EPS8L3: variants seen among roughly 807,000 people sequenced by gnomAD.
EPS8L3 encodes the protein epidermal growth factor receptor kinase substrate 8-like protein 3.
In EPS8L3, 80 loss-of-function variants were observed where a neutral mutation model predicts 88.5. The ratio of observed to expected loss-of-function variants is 0.90; its 90% CI spans 0.75 to 1.09. The LOEUF is 1.09. Ranked by LOEUF, EPS8L3 falls within the 50% of genes least tolerant of loss-of-function variation. The probability of loss-of-function intolerance (pLI) is 0.00; values close to 1 mark genes in which losing one functional copy is unlikely to be tolerated. For missense variants in EPS8L3, 721 were observed against 735.2 expected, an observed-to-expected ratio of 0.98 and a Z score of 0.22; for synonymous variants, 286 against 291.0, an observed-to-expected ratio of 0.98 and a Z score of 0.18.
In EPS8L3 at chr1:109,751,720, A is replaced by G; in HGVS notation, c.1497T>C (p.Ile499=). The change falls in exon 16 of 19, where the codon ATT becomes ATC. Residue 499 remains isoleucine (I), a synonymous_variant. Transcript: ENST00000361965. The part of the protein sequence containing the change: ...VKNEAGRSGY[I]PSNILEPLQP... ...GTAGGGGCTCCAGGATGTTGCTTGG[A>G]ATGTAGCCGCTCCGTCCCGCCTCAT... is the stretch of plus-strand genomic sequence containing the variant. The G allele has an allele frequency of 6.2e-7, 1 of 1,613,460 alleles. No homozygotes were observed. Among genetic ancestry groups the G allele is most frequent in the Non-Finnish European group, 8.5e-7 (1 of 1,179,882 alleles).
chr1:109,750,609 C>G, intron 18 of EPS8L3, 51 bp downstream of exon 18: 1 of 1,611,792 alleles, frequency 6.2e-7, no homozygotes, highest in Non-Finnish European at 8.5e-7. Context: ...CTCTCTCACC[C>G]AGGAGCACCA....
Position 109,757,167 on chromosome 1 carries a change from T to G in EPS8L3, c.970-2A>C. On this transcript the variant is annotated splice_acceptor_variant, in intron 11 of 18. Transcript: ENST00000361965. LOFTEE classifies it high-confidence loss of function. ...AGCCTCAGGGCACCTGGCCAGGATC[T>G]AGGGGAGAGATGGAAGGTGTCAGGA... 6.2e-7 allele frequency: 1 copy of G among 1,605,458 alleles called. No individual in the cohort carries two copies. The highest frequency in any genetic ancestry group is 8.5e-7 in the Non-Finnish European group (1 of 1,174,978).
At chr1:109,754,105 C>T (rs1003300070) in intron 12 of EPS8L3, among the ~76,000 whole-genome samples, 15 of 151,684 alleles carry the variant, frequency 9.9e-5, no homozygotes, top group African/African-American at 3.4e-4. Flanking sequence ...TGGGTCTTGA[C>T]CCTAATACTA....
chr1:109,761,773 C>T lies in EPS8L3; in HGVS notation c.-24G>A. 6.2e-7 allele frequency: 1 copy of T among 1,613,940 alleles called. No homozygotes were observed. Among genetic ancestry groups the T allele is most frequent in the Non-Finnish European group, 8.5e-7 (1 of 1,179,980 alleles). On this transcript the variant is annotated splice_region_variant and 5_prime_UTR_variant, in exon 2 of 19. Transcript: ENST00000361965. Reference sequence around the variant, plus strand: ...ATGTTGACGCTGCTGAGGACGGCTCCCTAGAACCCAAAGTGAACCAGAGGC... The same window carrying T: ...ATGTTGACGCTGCTGAGGACGGCTCTCTAGAACCCAAAGTGAACCAGAGGC...
At chr1:109,762,641 C>A (rs114047998) in intron 1 of EPS8L3, among the ~76,000 whole-genome samples, 2,430 of 152,298 alleles carry the variant, frequency 0.016, 64 homozygotes, top group African/African-American at 0.056. Flanking sequence ...CTTGGCGCCA[C>A]GTGCCTAGCA....
Position 109,757,568 on chromosome 1 carries a change from AG to A in EPS8L3, c.895-14del, listed in dbSNP as rs752795350. 2.5e-6 allele frequency: 4 copies of A among 1,610,630 alleles called. No individual in the cohort carries two copies. The South Asian group carries it at 4.4e-5, about 18-fold the overall frequency. Reference sequence around the variant, plus strand: ...TGGCCAGCCTTCCCTGGGGACACAGAGCAATGCCTGTCACCACCCTTCACCC... The same window carrying A: ...TGGCCAGCCTTCCCTGGGGACACAGACAATGCCTGTCACCACCCTTCACCC... On this transcript the variant is annotated splice_polypyrimidine_tract_variant and intron_variant, in intron 10 of 18. Coordinates refer to ENST00000361965, the MANE Select transcript of EPS8L3 (RefSeq NM_133181.4).
chr1:109,758,102 C>T, intron 8 of EPS8L3, 44 bp from the exon 9 acceptor site: 1 of 1,544,162 alleles, frequency 6.5e-7, no homozygotes, highest in South Asian at 1.1e-5. Flanking sequence ...CAGTTGGGCC[C>T]ACCCTGGAAC....
rs943941084 is a variant in EPS8L3, at chr1:109,759,622, T to C, written c.255+56A>G. On this transcript the variant is annotated intron_variant, in intron 4 of 18. Coordinates refer to ENST00000361965, the MANE Select transcript of EPS8L3 (RefSeq NM_133181.4). The surrounding 1 kb of genome is among the most constrained non-coding windows in gnomAD (Gnocchi z 4.2). ...ATGGAGGGTGGAGTTCAAGAGCTAG[T>C]GCTTGCTTCCCCACAGCCCAGGCTG... 2.0e-5 allele frequency: 32 copies of C among 1,587,904 alleles called. No individual in the cohort carries two copies. The highest frequency in any genetic ancestry group is 2.7e-5 in the Non-Finnish European group (32 of 1,168,750).
chr1:109,757,401 T>A, intron 11 of EPS8L3, 80 bp downstream of exon 11: 2 of 1,372,508 alleles, frequency 1.5e-6, no homozygotes, highest in Non-Finnish European at 2.1e-6. Flanking sequence ...CCCATCCCCC[T>A]CCACCAGCTC....
chr1:109,763,638 C>T (rs1284431903), intron 1 of EPS8L3, among the ~76,000 whole-genome samples, 184 bp downstream of exon 1: 1 of 152,200 alleles, frequency 6.6e-6, no homozygotes, highest in Non-Finnish European at 1.5e-5. Context: ...CTGGACCTCG[C>T]TCTGCTTTCC....
At chr1:109,752,931 C>CATCCT (rs1649945882) in intron 13 of EPS8L3, among the ~76,000 whole-genome samples, 186 bp downstream of exon 13, 1 of 152,158 alleles carries the variant, frequency 6.6e-6, no homozygotes, top group Admixed American at 6.5e-5. Context: ...GCCTATGTCC[C>CATCCT]AGCCCTGAGA....
chr1:109,761,581 G>A (rs201998301), intron 2 of EPS8L3, 22 bp from the exon 3 acceptor site: 1 of 1,613,278 alleles, frequency 6.2e-7, no homozygotes, highest in Admixed American at 1.7e-5. Flanking sequence ...CAGAGCAAGG[G>A]GCGGGAGGTG....
Position 109,752,853 on chromosome 1 carries a change from G to A in EPS8L3, c.1201-133C>T, listed in dbSNP as rs558270537. ...CCTATCCCCTTTCCTGCCTCCCCCA[G>A]TTTACAGATACAGGTACCCACATGC... On this transcript the variant is annotated intron_variant, in intron 13 of 18. Transcript: ENST00000361965. The A allele has an allele frequency of 3.5e-6, 3 of 852,646 alleles. No individual in the cohort carries two copies. The African/African-American group carries it at 5.0e-5, about 14-fold the overall frequency. 52.8% of individuals were successfully genotyped at this position (852,646 alleles called of 1,614,324 possible). A position where few individuals can be genotyped will look rare whatever the true frequency, so the allele number is the denominator to read the frequency against.
At chr1:109,756,679 C>G (rs1384774461) in intron 12 of EPS8L3, among the ~76,000 whole-genome samples, 1 of 152,214 alleles carries the variant, frequency 6.6e-6, no homozygotes, top group Admixed American at 6.5e-5. Context: ...ATTCTTAAAT[C>G]TGGGGCTGGA....
intron 1 of EPS8L3, among the ~76,000 whole-genome samples, chr1:109,762,953 G>T (rs1391604248): frequency 6.6e-6 from 1 of 152,238 alleles, no homozygotes; most frequent in Non-Finnish European, 1.5e-5. Flanking sequence ...CCGGGTGGGG[G>T]TGGTGTTAGT....
intron 1 of EPS8L3, among the ~76,000 whole-genome samples, chr1:109,763,094 G>T (rs970155343): frequency 6.6e-6 from 1 of 152,226 alleles, no homozygotes; most frequent in African/African-American, 2.4e-5. Context: ...CCATACCCTT[G>T]TTTATTAGGA....
intron 1 of EPS8L3, 117 bp from the exon 2 acceptor site, chr1:109,761,890 G>A (rs1156268857): frequency 1.6e-5 from 14 of 857,256 alleles, no homozygotes; most frequent in Non-Finnish European, 2.4e-5. Flanking sequence ...CAGACCCAAA[G>A]CCCCTGGCTC....
intron 17 of EPS8L3, among the ~76,000 whole-genome samples, 194 bp from the exon 18 acceptor site, chr1:109,750,986 A>C (rs1419238858): frequency 2.0e-5 from 3 of 152,216 alleles, no homozygotes; most frequent in Admixed American, 1.3e-4. Flanking sequence ...ATTTGAAAGA[A>C]GTGCTCTGGG....
In EPS8L3 at chr1:109,758,627, T is replaced by C. The variant is rs890631054; in HGVS notation, c.498A>G (p.Arg166=). ...RLGGLQPGQD[R]WRGPAMERPL... is the part of the protein sequence containing the mutation. ...GCCTTTCCATAGCAGGCCCCCTCCA[T>C]CTGTCCTGGCCTGGCTGAAGGCCTC... The change falls in exon 7 of 19, where the codon AGA becomes AGG. Residue 166 remains arginine (R), a synonymous_variant. Transcript: ENST00000361965. 6.2e-7 allele frequency: 1 copy of C among 1,610,592 alleles called. No homozygotes were observed. Among genetic ancestry groups the C allele is most frequent in the Non-Finnish European group, 8.5e-7 (1 of 1,178,394 alleles).
Sources: allele counts gnomAD v4.1 joint callset (sites outside exome capture counted in the v4.1 genomes callset), GRCh38; gene constraint gnomAD v4.1.1; non-coding constraint Gnocchi (gnomAD v3.1); transcripts MANE v1.5; gene names NCBI Gene and HGNC (gene_info 2026-07-23, HGNC 2026-07-21).